The following TSHZ2 variants were observed in gnomAD, a reference collection of about 807,000 sequenced individuals.
TSHZ2 encodes the protein teashirt homolog 2.
In TSHZ2, 21 loss-of-function variants were observed where a neutral mutation model predicts 74.4. The ratio of observed to expected loss-of-function variants is 0.28; its 90% CI spans 0.20 to 0.41. The LOEUF (loss-of-function observed/expected upper bound fraction) is 0.41, where lower values mean the gene tolerates loss of function less well. TSHZ2 is among the 10% of genes least tolerant of loss of function. TSHZ2 has a pLI of 1.00. For missense variants in TSHZ2, 1,244 were observed against 1,293.5 expected, an observed-to-expected ratio of 0.96 and a Z score of 0.59; for synonymous variants, 540 against 515.3, an observed-to-expected ratio of 1.05 and a Z score of -0.65.
At chr20:53,362,310 G>A (rs549092698) in intron 2 of TSHZ2, among the ~76,000 whole-genome samples, 41 of 151,998 alleles carry the variant, frequency 2.7e-4, no homozygotes, top group African/African-American at 9.9e-4. Flanking sequence ...TCAGCCTCCA[G>A]AGTAGCTGGG....
At chr20:53,210,738 C>T (rs1989284021) in intron 1 of TSHZ2, among the ~76,000 whole-genome samples, 1 of 152,022 alleles carries the variant, frequency 6.6e-6, no homozygotes, top group Non-Finnish European at 1.5e-5. Flanking sequence ...GCTCTTTGCT[C>T]AGGACCACCC....
At chr20:53,426,475 C>T (rs573090319) in intron 2 of TSHZ2, among the ~76,000 whole-genome samples, 2 of 152,062 alleles carry the variant, frequency 1.3e-5, no homozygotes, top group African/African-American at 4.8e-5. Context: ...TTTTAAGTTA[C>T]GGTGATCACA....
At chr20:53,357,799 G>C (rs1312375760) in intron 2 of TSHZ2, among the ~76,000 whole-genome samples, 1 of 152,168 alleles carries the variant, frequency 6.6e-6, no homozygotes, top group Non-Finnish European at 1.5e-5. Context: ...TGAGCTACCA[G>C]ACAAGTGATA....
intron 2 of TSHZ2, among the ~76,000 whole-genome samples, chr20:53,474,171 T>C (rs1169954940): frequency 6.7e-6 from 1 of 148,202 alleles, no homozygotes; most frequent in African/African-American, 2.5e-5. Context: ...ACAAAGATAC[T>C]CCTCGAGAAG....
At chr20:53,330,057 A>G (rs904399595) in intron 2 of TSHZ2, among the ~76,000 whole-genome samples, 1 of 152,252 alleles carries the variant, frequency 6.6e-6, no homozygotes, top group Admixed American at 6.5e-5. Flanking sequence ...TGGCAGAGTT[A>G]CAGAGACCAT....
rs560520154 is a variant in TSHZ2, at chr20:53,486,354, G to A, written c.*9-790G>A. The stretch of plus-strand genomic sequence containing the variant: ...TTGTGAATAGTGTTGCTATGAACAC[G>A]GGTGTTCAAATATCCTTTCCATACA... On this transcript the variant is annotated intron_variant, in intron 2 of 2. Transcript: ENST00000371497. Among the ~76,000 whole-genome samples the A allele has an allele frequency of 5.9e-5, 9 of 152,172 alleles. No individual in the cohort carries two copies. In the East Asian group the frequency reaches 1.2e-3, roughly 20 times the overall value.
chr20:53,280,908 G>A (rs936607667), intron 2 of TSHZ2, among the ~76,000 whole-genome samples: 7 of 152,118 alleles, frequency 4.6e-5, no homozygotes, highest in African/African-American at 1.7e-4. Context: ...TAACCAGGGT[G>A]GTCTCGATCT....
intron 1 of TSHZ2, among the ~76,000 whole-genome samples, chr20:53,228,869 G>A (rs1418413105): frequency 5.3e-5 from 8 of 152,150 alleles, no homozygotes; most frequent in East Asian, 3.9e-4. Flanking sequence ...TTGAGAATCC[G>A]TGCCCGAAAG....
At chr20:53,077,199 G>C (rs1295164652) in intron 1 of TSHZ2, among the ~76,000 whole-genome samples, 2 of 152,078 alleles carry the variant, frequency 1.3e-5, no homozygotes, top group Non-Finnish European at 2.9e-5. Flanking sequence ...GGTCACTTGA[G>C]GTCAGGAGTT....
intron 2 of TSHZ2, among the ~76,000 whole-genome samples, chr20:53,424,746 G>A (rs986586942): frequency 6.6e-6 from 1 of 152,116 alleles, no homozygotes; most frequent in African/African-American, 2.4e-5. Context: ...TCCAGTGTCT[G>A]TTGTTCCCCT....
chr20:53,469,036 A>G (rs563582389), intron 2 of TSHZ2, among the ~76,000 whole-genome samples: 44 of 64,386 alleles, frequency 6.8e-4, no homozygotes, highest in African/African-American at 1.9e-3. Context: ...AGGCTCTGAA[A>G]TCGATATTTT....
Position 53,493,307 on chromosome 20 carries a change from A to G in TSHZ2, c.*6172A>G, listed in dbSNP as rs577508951. On this transcript the variant is annotated 3_prime_UTR_variant, in exon 3 of 3. Coordinates refer to ENST00000371497, the MANE Select transcript of TSHZ2 (RefSeq NM_173485.6). Reference sequence around the variant, plus strand: ...GTTTACAAAGAAACTATAAGAACCAAGTTTGTCTGTCTGCATGAGTCCCGT... The same window carrying G: ...GTTTACAAAGAAACTATAAGAACCAGGTTTGTCTGTCTGCATGAGTCCCGT... 2.6e-5 allele frequency: 4 copies of G among 152,338 alleles called. No individual in the cohort carries two copies. The highest frequency in any genetic ancestry group is 5.9e-5 in the Non-Finnish European group (4 of 68,032). 9.4% of individuals were successfully genotyped at this position (152,338 alleles called of 1,614,324 possible).
chr20:53,068,960 TAAAAA>T (rs200109716), intron 1 of TSHZ2, among the ~76,000 whole-genome samples: 1 of 147,184 alleles, frequency 6.8e-6, no homozygotes, highest in Admixed American at 6.7e-5. Context: ...TTTCTTAAAA[TAAAAA>T]AAAAGGTAGA....
chr20:53,370,205 GA>G (rs1981416758), intron 2 of TSHZ2, among the ~76,000 whole-genome samples: 1 of 152,120 alleles, frequency 6.6e-6, no homozygotes, highest in Admixed American at 6.5e-5. Flanking sequence ...CAGCTTTAAA[GA>G]ATCCTGAGCC....
intron 2 of TSHZ2, among the ~76,000 whole-genome samples, chr20:53,483,422 G>A (rs974889957): frequency 2.6e-5 from 4 of 152,108 alleles, no homozygotes; most frequent in African/African-American, 9.7e-5. Context: ...AACGTGGGAG[G>A]ATGGATTGAG....
intron 1 of TSHZ2, among the ~76,000 whole-genome samples, chr20:53,232,863 G>A (rs952536062): frequency 2.0e-5 from 3 of 151,724 alleles, no homozygotes; most frequent in Non-Finnish European, 4.4e-5. Flanking sequence ...AAGCTAAGAG[G>A]CCATTCAGCA....
At chr20:53,360,113 T>C (rs992816364) in intron 2 of TSHZ2, among the ~76,000 whole-genome samples, 4 of 152,186 alleles carry the variant, frequency 2.6e-5, no homozygotes, top group Non-Finnish European at 5.9e-5. Flanking sequence ...CCTTGCTGAG[T>C]TTCTGTGCAA....
At chr20:53,037,308 C>A (rs1249305595) in intron 1 of TSHZ2, among the ~76,000 whole-genome samples, 3 of 152,146 alleles carry the variant, frequency 2.0e-5, no homozygotes, top group African/African-American at 7.2e-5. Context: ...TTCTTTTGTA[C>A]AAAAGTGAAA....
At chr20:53,299,069 G>C (rs1214493590) in intron 2 of TSHZ2, among the ~76,000 whole-genome samples, 4 of 152,198 alleles carry the variant, frequency 2.6e-5, no homozygotes. Flanking sequence ...AGGTGGAGAA[G>C]ATTAGAGCCT....
Sources: allele counts gnomAD v4.1 joint callset (sites outside exome capture counted in the v4.1 genomes callset), GRCh38; gene constraint gnomAD v4.1.1; transcripts MANE v1.5; gene names NCBI Gene and HGNC (gene_info 2026-07-23, HGNC 2026-07-21).